Variants in NAE1 observed in about 807,000 individuals in gnomAD.
NAE1 encodes NEDD8 activating enzyme E1 subunit 1.
A neutral mutation model predicts 88.0 loss-of-function variants in NAE1; 59 were observed. The ratio of observed to expected loss-of-function variants is 0.67; its 90% CI spans 0.54 to 0.83. NAE1 has a LOEUF of 0.83. Ranked by LOEUF, NAE1 falls within the 40% of genes least tolerant of loss-of-function variation. The pLI is 0.00. For synonymous variants in NAE1, 186 were observed against 208.9 expected, an observed-to-expected ratio of 0.89 and a Z score of 0.95; for missense variants, 554 against 632.8, an observed-to-expected ratio of 0.88 and a Z score of 1.34.
chr16:66,830,434 G>A (rs895917182), intron 1 of NAE1, among the ~76,000 whole-genome samples: 7 of 152,168 alleles, frequency 4.6e-5, no homozygotes, highest in Non-Finnish European at 8.8e-5. Context: ...TTACATTTGC[G>A]GCTCACATGA....
At position 66,813,602 on chromosome 16, in the gene NAE1, CA is replaced by C; in HGVS notation, c.995del (p.Met332ArgfsTer9). 1 of 1,613,722 alleles carries C rather than the reference CA, an allele frequency of 6.2e-7. No individual in the cohort carries two copies. The highest frequency in any genetic ancestry group is 8.5e-7 in the Non-Finnish European group (1 of 1,179,814). ...TTATATATTTGCCTGAATCTGCAAT[CA>C]TATCAGGAATTGTGCCTCGAACAGG... is the stretch of plus-strand genomic sequence containing the variant. The part of the protein sequence containing the change: ...NLPVRGTIPD[M>X]IADSGKYIKL... On this transcript the variant is annotated frameshift_variant, in exon 13 of 20. Transcript: ENST00000290810. LOFTEE classifies it high-confidence loss of function.
Position 66,810,720 on chromosome 16 carries a change from T to G in NAE1, c.1087A>C (p.Lys363Gln). 6.2e-7 allele frequency: 1 copy of G among 1,614,230 alleles called. No homozygotes were observed. Among genetic ancestry groups the G allele is most frequent in the Non-Finnish European group, 8.5e-7 (1 of 1,180,024 alleles). Residue 363 changes from lysine to glutamine, a missense_variant, in exon 14 of 20, where the codon AAA becomes CAA. Transcript: ENST00000290810. ...DAAAVGNHVA[K>Q]LLQSIGQAPE... ...ACCTGGCCAATGGACTGCAGCAATT[T>G]GGCAACATGATTACCCACAGCGGCA...
chr16:66,806,235 A>G (rs1959557026), intron 17 of NAE1: 1 of 451,532 alleles, frequency 2.2e-6, no homozygotes, highest in African/African-American at 2.0e-5. Flanking sequence ...ATTTAATTAA[A>G]TCTTTATTAA....
At chr16:66,808,333 G>A (rs982293880) in intron 17 of NAE1, among the ~76,000 whole-genome samples, 188 bp downstream of exon 17, 1 of 152,000 alleles carries the variant, frequency 6.6e-6, no homozygotes, top group Non-Finnish European at 1.5e-5. Flanking sequence ...GTTTAGAATC[G>A]AACACTATTT....
Position 66,805,801 on chromosome 16 carries a change from G to A in NAE1, c.1471C>T (p.His491Tyr). ...CCCCCCAAGAATGCAGCAATGGTATGTGGCTCAGCAGCTCCATATCGGCAA... is the reference window on the plus strand; with the variant it reads ...CCCCCCAAGAATGCAGCAATGGTATATGGCTCAGCAGCTCCATATCGGCAA... ...EFCRYGAAEP[H>Y]TIAAFLGGAA... The change falls in exon 19 of 20, where the codon CAT (histidine) becomes TAT (tyrosine). Residue 491 changes from histidine (H) to tyrosine (Y), a missense_variant. Coordinates refer to ENST00000290810, the MANE Select transcript of NAE1 (RefSeq NM_003905.4). 6.5e-7 allele frequency: 1 copy of A among 1,528,476 alleles called. No homozygotes were observed. Among genetic ancestry groups the A allele is most frequent in the Non-Finnish European group, 8.7e-7 (1 of 1,144,290 alleles). 94.7% of individuals were successfully genotyped at this position (1,528,476 alleles called of 1,614,324 possible).
rs886401227 is a variant in NAE1 at position 66,830,909 on chromosome 16, T to C, written c.-10A>G. The C allele has an allele frequency of 2.0e-6, 3 of 1,531,744 alleles. No individual in the cohort carries two copies. Among genetic ancestry groups the C allele is most frequent in the East Asian group, 2.6e-5 (1 of 37,832 alleles). 94.9% of individuals were successfully genotyped at this position (1,531,744 alleles called of 1,614,324 possible). ...TTCCCAGCTGCGCCATGGCCGCGCC[T>C]GCCGCGCGGAAAACAGCCGAGCCCC... On this transcript the variant is annotated 5_prime_UTR_variant, in exon 1 of 20. Coordinates refer to ENST00000290810, the MANE Select transcript of NAE1 (RefSeq NM_003905.4).
At chr16:66,824,536 G>A (rs955359871) in intron 4 of NAE1, 9 of 171,546 alleles carry the variant, frequency 5.2e-5, no homozygotes, top group Non-Finnish European at 9.9e-5. Flanking sequence ...AGCTTGCAGT[G>A]AGTCGAGATC....
At chr16:66,825,401 T>C (rs1245443613) in intron 3 of NAE1, among the ~76,000 whole-genome samples, 2 of 149,596 alleles carry the variant, frequency 1.3e-5, no homozygotes, top group Non-Finnish European at 1.5e-5. Context: ...GAGCCGAGAT[T>C]GCACCACGGC....
chr16:66,810,950 C>T (rs1180573744), intron 13 of NAE1, among the ~76,000 whole-genome samples, 178 bp from the exon 14 acceptor site: 1 of 152,126 alleles, frequency 6.6e-6, no homozygotes, highest in African/African-American at 2.4e-5. Context: ...GGAATCTTTC[C>T]AGTGTTAGTG....
intron 7 of NAE1, among the ~76,000 whole-genome samples, chr16:66,820,874 C>A (rs1960227569): frequency 6.9e-6 from 1 of 144,852 alleles, no homozygotes; most frequent in African/African-American, 2.7e-5. Context: ...GCAGTCCAGC[C>A]TGAGCAAAAG....
At chr16:66,814,609 AT>A (rs1415076903) in intron 11 of NAE1, among the ~76,000 whole-genome samples, 14 of 42,414 alleles carry the variant, frequency 3.3e-4, no homozygotes, top group Middle Eastern at 0.011. Context: ...AAAAAAAAAA[AT>A]ACACACACAC....
At chr16:66,807,410 C>G (rs1346092538) in intron 17 of NAE1, among the ~76,000 whole-genome samples, 1 of 152,068 alleles carries the variant, frequency 6.6e-6, no homozygotes. Context: ...GAGGCCAACA[C>G]AGGAGGATCA....
intron 19 of NAE1, 31 bp downstream of exon 19, chr16:66,805,746 A>G: frequency 1.4e-6 from 2 of 1,438,132 alleles, no homozygotes; most frequent in South Asian, 3.5e-5. Context: ...CTATGTAACA[A>G]CAGGTGAGTC....
At chr16:66,823,718 G>A in intron 4 of NAE1, 118 bp from the exon 5 acceptor site, 1 of 746,760 alleles carries the variant, frequency 1.3e-6, no homozygotes, top group Non-Finnish European at 2.1e-6. Context: ...GCATAAGTAT[G>A]ACAACTCTGT....
rs747074472 is a variant in NAE1, at chr16:66,817,006, G to T, written c.707C>A (p.Thr236Lys). Residue 236 changes from threonine (T) to lysine (K), a missense_variant, in exon 10 of 20, where the codon ACG becomes AAG. Thr to Lys is a moderately conservative substitution (Grantham distance 78, BLOSUM62 -1). Transcript: ENST00000290810. Reference sequence around the variant, plus strand: ...TCTGAAGTCCTCTTTTTCTTTATACGTTTTAGGTATTCGTCCATTTGTCTA... The same window carrying T: ...TCTGAAGTCCTCTTTTTCTTTATACTTTTTAGGTATTCGTCCATTTGTCTA... ...YSETNGRIPK[T>K]YKEKEDFRDL... is the part of the protein sequence containing the mutation. 6.3e-7 allele frequency: 1 copy of T among 1,597,316 alleles called. No homozygotes were observed. Among genetic ancestry groups the T allele is most frequent in the Non-Finnish European group, 8.5e-7 (1 of 1,175,480 alleles).
Position 66,821,149 on chromosome 16 carries a change from A to G in NAE1, c.511+301T>C, listed in dbSNP as rs542308993. On this transcript the variant is annotated intron_variant, in intron 7 of 19. Transcript: ENST00000290810. Reference sequence around the variant, plus strand: ...AGTGATCCACATTCCTTAGCTCTCCACAGCCATACATGCCCAATGTGGGTT... The same window carrying G: ...AGTGATCCACATTCCTTAGCTCTCCGCAGCCATACATGCCCAATGTGGGTT... 9.8e-5 allele frequency among the ~76,000 whole-genome samples: 15 copies of G among 152,322 alleles called. No homozygotes were observed. In the East Asian group the frequency reaches 2.3e-3, roughly 23 times the overall value.
chr16:66,829,536 G>A (rs1224391210), intron 1 of NAE1, among the ~76,000 whole-genome samples: 1 of 152,200 alleles, frequency 6.6e-6, no homozygotes, highest in South Asian at 2.1e-4. Flanking sequence ...GGTACTCTCA[G>A]AACTAAGTGC....
intron 11 of NAE1, among the ~76,000 whole-genome samples, chr16:66,814,451 C>T (rs1421251345): frequency 2.6e-5 from 4 of 151,588 alleles, no homozygotes; most frequent in Admixed American, 6.6e-5. Flanking sequence ...AAATTAGCTG[C>T]GCGTGGTGGC....
At chr16:66,803,554 G>A in intron 19 of NAE1, among the ~76,000 whole-genome samples, 1 of 151,514 alleles carries the variant, frequency 6.6e-6, no homozygotes, top group East Asian at 1.9e-4. Flanking sequence ...TCTATAACCT[G>A]AAGATTCCTC....
Sources: gnomAD v4.1 joint callset for allele counts (sites outside exome capture counted in the v4.1 genomes callset) on GRCh38, gnomAD v4.1.1 for gene constraint, MANE v1.5 for transcripts, NCBI Gene and HGNC (gene_info 2026-07-23, HGNC 2026-07-21) for gene names.